ARMC8: variants seen among roughly 807,000 people sequenced by gnomAD.
The protein encoded by ARMC8 is armadillo repeat-containing protein 8.
Under a neutral mutation model 99.3 loss-of-function variants are expected in ARMC8, and 20 were observed. That is an observed-to-expected ratio of 0.20 (90% CI 0.14 to 0.29). ARMC8 has a LOEUF of 0.29. Ranked by LOEUF, ARMC8 falls within the 10% of genes least tolerant of loss-of-function variation. The pLI is 1.00. For missense variants in ARMC8, 569 were observed against 809.5 expected (o/e 0.70, Z 3.60); for synonymous variants, 263 against 278.3 (o/e 0.95, Z 0.55).
rs2049508221 is a variant in ARMC8, at chr3:138,278,296, CAGA to C, written c.1725+3755_1725+3757del. Among the ~76,000 whole-genome samples the C allele has an allele frequency of 2.6e-5, 4 of 151,936 alleles. No homozygotes were observed. In the South Asian group the frequency reaches 8.3e-4, roughly 32 times the overall value. ...CTGAGGCAGGCGGATCACTTGAGGT[CAGA>C]AGTTCAGGACCAGCCTAGCAACATG... On this transcript the variant is annotated intron_variant, in intron 18 of 21. Coordinates refer to ENST00000469044, the MANE Select transcript of ARMC8 (RefSeq NM_001363941.2).
intron 18 of ARMC8, among the ~76,000 whole-genome samples, chr3:138,282,003 G>T (rs941255969): frequency 3.3e-5 from 5 of 152,184 alleles, no homozygotes; most frequent in African/African-American, 1.2e-4. Flanking sequence ...AAATGGTGGA[G>T]AGATGGAGAA....
At chr3:138,283,636 A>G (rs2050139161) in intron 18 of ARMC8, among the ~76,000 whole-genome samples, 2 of 152,130 alleles carry the variant, frequency 1.3e-5, no homozygotes, top group Non-Finnish European at 2.9e-5. Flanking sequence ...CACTGTTGGT[A>G]TCCCTATCAT....
chr3:138,286,674 T>A (rs1017480607), intron 19 of ARMC8, among the ~76,000 whole-genome samples: 1 of 152,190 alleles, frequency 6.6e-6, no homozygotes, highest in African/African-American at 2.4e-5. Flanking sequence ...GGTTATAGCC[T>A]GGGCATCAGG....
intron 18 of ARMC8, among the ~76,000 whole-genome samples, chr3:138,280,918 G>A (rs759024163): frequency 7.9e-5 from 12 of 152,070 alleles, no homozygotes; most frequent in South Asian, 2.1e-4. Context: ...ATCAGCCACC[G>A]CACCCAGCCT....
intron 1 of ARMC8, chr3:138,188,400 GT>G: frequency 6.9e-7 from 1 of 1,458,204 alleles, no homozygotes; most frequent in South Asian, 1.4e-5. Context: ...TTTAAAAAAA[GT>G]TTTTTTAAAG....
At chr3:138,254,318 G>A (rs1054339891) in intron 12 of ARMC8, among the ~76,000 whole-genome samples, 1 of 152,142 alleles carries the variant, frequency 6.6e-6, no homozygotes, top group African/African-American at 2.4e-5. Context: ...GCATATTGTA[G>A]GTGTTATACT....
intron 5 of ARMC8, among the ~76,000 whole-genome samples, chr3:138,224,959 G>T (rs1032032477): frequency 1.3e-5 from 2 of 152,064 alleles, no homozygotes; most frequent in Admixed American, 1.3e-4. Context: ...TGAATGATAG[G>T]GAGTTCAGCT....
At chr3:138,244,079 G>GATA (rs2108186941) in intron 11 of ARMC8, among the ~76,000 whole-genome samples, 1 of 152,134 alleles carries the variant, frequency 6.6e-6, no homozygotes, top group African/African-American at 2.4e-5. Context: ...TAGAAGAGTT[G>GATA]ATAATTAGTT....
intron 12 of ARMC8, among the ~76,000 whole-genome samples, chr3:138,258,177 C>T (rs1229412163): frequency 6.6e-6 from 1 of 152,160 alleles, no homozygotes; most frequent in Non-Finnish European, 1.5e-5. Flanking sequence ...TCAACCCACC[C>T]ACTTTGAATT....
intron 21 of ARMC8, among the ~76,000 whole-genome samples, chr3:138,291,586 G>T (rs183373501): frequency 1.3e-5 from 2 of 152,284 alleles, no homozygotes; most frequent in African/African-American, 4.8e-5. Flanking sequence ...AAATGAATAC[G>T]TAACACAGTA....
At chr3:138,221,401 G>C (rs1361397489) in intron 2 of ARMC8, among the ~76,000 whole-genome samples, 1 of 152,046 alleles carries the variant, frequency 6.6e-6, no homozygotes, top group African/African-American at 2.4e-5. Context: ...CTTGAAGACT[G>C]ACTGTGATAA....
intron 1 of ARMC8, among the ~76,000 whole-genome samples, chr3:138,197,802 TTC>T (rs2043825106): frequency 6.6e-6 from 1 of 152,224 alleles, no homozygotes; most frequent in African/African-American, 2.4e-5. Context: ...CGTTTAAGCA[TTC>T]TCATCTACAG....
At chr3:138,196,389 T>G (rs990891720) in intron 1 of ARMC8, among the ~76,000 whole-genome samples, 1 of 152,194 alleles carries the variant, frequency 6.6e-6, no homozygotes, top group African/African-American at 2.4e-5. Flanking sequence ...GATCATTATT[T>G]TGGCATCATC....
At chr3:138,245,386 G>T in intron 12 of ARMC8, 3 of 1,400,534 alleles carry the variant, frequency 2.1e-6, no homozygotes, top group Non-Finnish European at 1.9e-6. Context: ...TGGCATGGCC[G>T]TGCTGGAATG....
At chr3:138,273,179 T>C in intron 17 of ARMC8, 63 bp downstream of exon 17, 2 of 1,476,712 alleles carry the variant, frequency 1.4e-6, no homozygotes, top group Non-Finnish European at 9.2e-7. Flanking sequence ...AAGACATTGC[T>C]CTCTCTCTGT....
intron 19 of ARMC8, chr3:138,287,664 T>C (rs1408303847): frequency 4.4e-6 from 2 of 456,744 alleles, no homozygotes; most frequent in Admixed American, 2.3e-5. Flanking sequence ...TTAAAAGTGT[T>C]GGCAGTTAGA....
intron 19 of ARMC8, 80 bp from the exon 20 acceptor site, chr3:138,288,968 C>A: frequency 8.6e-7 from 1 of 1,159,754 alleles, no homozygotes; most frequent in Non-Finnish European, 1.3e-6. Flanking sequence ...TAGGAATTGG[C>A]TATGGTAGGT....
At chr3:138,282,635 C>CA (rs760470914) in intron 18 of ARMC8, among the ~76,000 whole-genome samples, 2,380 of 46,324 alleles carry the variant, frequency 0.051, 88 homozygotes, top group African/African-American at 0.13. Flanking sequence ...GACTCCATCT[C>CA]AAAAAAAAAA....
At chr3:138,194,489 C>A (rs1434586260) in intron 1 of ARMC8, among the ~76,000 whole-genome samples, 2 of 150,836 alleles carry the variant, frequency 1.3e-5, no homozygotes, top group Non-Finnish European at 3.0e-5. Flanking sequence ...AGGCACCTGC[C>A]ACCACACCCA....
Sources: allele counts gnomAD v4.1 joint callset (sites outside exome capture counted in the v4.1 genomes callset), GRCh38; gene constraint gnomAD v4.1.1; transcripts MANE v1.5; gene names NCBI Gene and HGNC (gene_info 2026-07-23, HGNC 2026-07-21).